Variants in MGAM observed in about 807,000 individuals in gnomAD.
The protein encoded by MGAM is maltase-glucoamylase, also known as alpha-1,4-glucosidase.
MGAM carries 253 observed loss-of-function variants against 358.8 expected under a neutral mutation model. The ratio of observed to expected loss-of-function variants is 0.71; its 90% confidence interval spans 0.64 to 0.78. The LOEUF is 0.78. MGAM is among the 30% of genes least tolerant of loss of function. MGAM has a pLI of 0.00. For synonymous variants in MGAM, 1,105 were observed against 1,227.1 expected, an observed-to-expected ratio of 0.90 and a Z score of 2.08; for missense variants, 3,080 against 3,432.6, an observed-to-expected ratio of 0.90 and a Z score of 2.57.
intron 3 of MGAM, among the ~76,000 whole-genome samples, chr7:142,016,221 T>C (rs1240916088): frequency 2.6e-5 from 4 of 152,332 alleles, no homozygotes; most frequent in East Asian, 1.9e-4. Flanking sequence ...CAGAGCTTGA[T>C]TGACTCTTAA....
Position 142,070,957 on chromosome 7 carries a change from C to T in MGAM, c.5062-37C>T, listed in dbSNP as rs751429258. 2.9e-5 allele frequency: 45 copies of T among 1,552,698 alleles called. 8 individuals carry two copies. Among genetic ancestry groups the T allele is most frequent in the Non-Finnish European group, 3.5e-5 (40 of 1,130,530 alleles). On this transcript the variant is annotated intron_variant, in intron 43 of 70. Coordinates refer to ENST00000475668, the MANE Select transcript of MGAM (RefSeq NM_001365693.1). Reference sequence around the variant, plus strand: ...TGCATTGTTCAGGGAGGGGCCTGTCCTCTCCTTCATCATCTTTTACCTTCT... The same window carrying T: ...TGCATTGTTCAGGGAGGGGCCTGTCTTCTCCTTCATCATCTTTTACCTTCT...
intron 42 of MGAM, among the ~76,000 whole-genome samples, chr7:142,068,411 T>G (rs1813035134): frequency 6.9e-6 from 1 of 145,472 alleles, no homozygotes; most frequent in Non-Finnish European, 1.6e-5. Flanking sequence ...AGTGATTTAT[T>G]TTTTCCCGAA....
intron 3 of MGAM, among the ~76,000 whole-genome samples, chr7:142,016,690 T>C (rs1382647949): frequency 6.6e-6 from 1 of 152,210 alleles, no homozygotes; most frequent in Admixed American, 6.5e-5. Context: ...CCTCCTGGGT[T>C]CAAGTGAGTC....
intron 1 of MGAM, among the ~76,000 whole-genome samples, chr7:141,998,548 C>CAT (rs1804464984): frequency 6.6e-6 from 1 of 152,114 alleles, no homozygotes; most frequent in African/African-American, 2.4e-5. Context: ...AGAATGATGG[C>CAT]TTCCAGTTTC....
intron 24 of MGAM, 51 bp downstream of exon 24, chr7:142,050,915 G>A (rs151093835): frequency 1.6e-4 from 262 of 1,610,552 alleles, no homozygotes; most frequent in East Asian, 5.1e-4. Flanking sequence ...CCATAGCATC[G>A]TGATGTTCCT....
At chr7:142,023,640 C>T (rs1225103754) in intron 7 of MGAM, among the ~76,000 whole-genome samples, 2 of 152,058 alleles carry the variant, frequency 1.3e-5, no homozygotes, top group African/African-American at 4.8e-5. Context: ...GATCGCGCCA[C>T]TGCACTCCAG....
rs1314405777 is a variant in MGAM at position 142,080,876 on chromosome 7, T to C, written c.5933T>C (p.Leu1978Pro). Residue 1978 changes from leucine (L) to proline (P), a missense_variant, in exon 50 of 71, where the codon CTC becomes CCC. Around this residue, in one of 5 missense-constraint regions of MGAM, gnomAD observed 932 missense variants for 1,198.2 expected, o/e 0.78. Transcript: ENST00000475668. ...CCATCCAGCACCCCTGAGGGTCAAC[T>C]CTATGATGTCCTCATTAAGAAGAAT... is the stretch of plus-strand genomic sequence containing the variant. Reference protein sequence around the residue: ...SVPSSTPEGQLYDVLIKKNPF... With the variant: ...SVPSSTPEGQPYDVLIKKNPF... The C allele has an allele frequency of 6.4e-7, 1 of 1,556,746 alleles. No individual in the cohort carries two copies. Among genetic ancestry groups the C allele is most frequent in the Non-Finnish European group, 8.8e-7 (1 of 1,132,688 alleles).
Position 142,082,995 on chromosome 7 carries a change from G to A in MGAM, c.6269-306G>A, listed in dbSNP as rs965278200. Among the ~76,000 whole-genome samples, 29 of 146,052 alleles carry A rather than the reference G, an allele frequency of 2.0e-4. 5 individuals carry two copies. The highest frequency in any genetic ancestry group is 1.5e-3 in the Admixed American group (22 of 14,544). On this transcript the variant is annotated intron_variant, in intron 52 of 70. Coordinates refer to ENST00000475668, the MANE Select transcript of MGAM (RefSeq NM_001365693.1). ...GATTCATACCCCAAACTTCAGCATCGTGCAATATTCCCATGTAACAAATGT... is the reference window on the plus strand; with the variant it reads ...GATTCATACCCCAAACTTCAGCATCATGCAATATTCCCATGTAACAAATGT...
upstream of MGAM, among the ~76,000 whole-genome samples, chr7:141,994,106 C>T (rs1281567481): frequency 6.6e-6 from 1 of 152,092 alleles, no homozygotes; most frequent in Non-Finnish European, 1.5e-5. Flanking sequence ...GAACTCCTGG[C>T]CTCAGGTGAT....
At chr7:142,053,940 C>T (rs1033380856) in intron 26 of MGAM, among the ~76,000 whole-genome samples, 2 of 152,220 alleles carry the variant, frequency 1.3e-5, no homozygotes, top group Admixed American at 1.3e-4. Context: ...TACTCTACCT[C>T]TTGACCGTAG....
chr7:142,103,538 A>G, intron 70 of MGAM, 99 bp downstream of exon 70: 1 of 1,213,002 alleles, frequency 8.2e-7, no homozygotes, highest in Non-Finnish European at 1.1e-6. Flanking sequence ...CTCTCCTGCC[A>G]GGCCCTCCGG....
chr7:142,065,955 T>G (rs1812707438), intron 40 of MGAM, 124 bp downstream of exon 40: 3 of 765,134 alleles, frequency 3.9e-6, no homozygotes, highest in South Asian at 2.1e-5. Flanking sequence ...TTTTTTTTGT[T>G]TTGTTTTGTT....
intron 2 of MGAM, among the ~76,000 whole-genome samples, chr7:141,988,824 G>A (rs1239366866): frequency 6.6e-6 from 1 of 152,140 alleles, no homozygotes; most frequent in Non-Finnish European, 1.5e-5. Flanking sequence ...ACAAGACAAG[G>A]AAATGCTGTA....
intron 1 of MGAM, among the ~76,000 whole-genome samples, chr7:141,999,699 A>G (rs1467046644): frequency 1.3e-5 from 2 of 152,260 alleles, no homozygotes; most frequent in African/African-American, 4.8e-5. Flanking sequence ...ATAGTCAAAG[A>G]TTAAGGACAG....
chr7:142,093,664 T>G, intron 60 of MGAM, 114 bp downstream of exon 60: 1 of 1,152,046 alleles, frequency 8.7e-7, no homozygotes, highest in Non-Finnish European at 1.2e-6. Context: ...AAGATTCTCA[T>G]GACAACTGTG....
chr7:142,059,762 G>A, intron 32 of MGAM, 94 bp from the exon 33 acceptor site: 1 of 1,566,692 alleles, frequency 6.4e-7, no homozygotes, highest in Non-Finnish European at 8.7e-7. Context: ...GCAGGTAGAA[G>A]CCAGCGAGTT....
Position 142,073,194 on chromosome 7 carries a change from G to A in MGAM, c.5187-891G>A, listed in dbSNP as rs1266921101. On this transcript the variant is annotated intron_variant, in intron 44 of 70. Transcript: ENST00000475668. ...GCCTAATTTTTCCTATAATATTGAA[G>A]GTCGTTCAGGTCAGGGGTTGTGATT... Among the ~76,000 whole-genome samples the A allele has an allele frequency of 4.1e-5, 6 of 145,964 alleles. 2 individuals carry two copies. The highest frequency in any genetic ancestry group is 3.3e-3 in the Middle Eastern group (1 of 304).
intron 37 of MGAM, among the ~76,000 whole-genome samples, chr7:142,064,840 T>C (rs1474222258): frequency 6.6e-6 from 1 of 151,846 alleles, no homozygotes; most frequent in African/African-American, 2.4e-5. Flanking sequence ...TTACAGGAGG[T>C]GAAGGGAACA....
chr7:142,034,423 G>T, intron 15 of MGAM, 44 bp downstream of exon 15: 3 of 1,302,092 alleles, frequency 2.3e-6, no homozygotes, highest in South Asian at 1.3e-5. Flanking sequence ...TGAATATAAA[G>T]AATATATATA....
Sources: allele counts gnomAD v4.1 joint callset (sites outside exome capture counted in the v4.1 genomes callset), GRCh38; gene constraint gnomAD v4.1.1; regional missense constraint gnomAD v4.1.1; transcripts MANE v1.5; gene names NCBI Gene and HGNC (gene_info 2026-07-23, HGNC 2026-07-21).